The following PLCG2 variants were observed in gnomAD, a reference collection of about 807,000 sequenced individuals.
PLCG2 encodes phospholipase C gamma 2.
PLCG2 carries 69 observed loss-of-function variants against 175.6 expected under a neutral mutation model. The observed-to-expected ratio is 0.39, with a 90% CI of 0.32 to 0.48. PLCG2 has a LOEUF of 0.48. Among genes scored for constraint, PLCG2 ranks in the 20% least tolerant of loss-of-function variants. The pLI, the probability that PLCG2 is intolerant of heterozygous loss-of-function variation, is 0.91. For synonymous variants in PLCG2, 827 were observed against 624.0 expected (o/e 1.33, Z -4.85); for missense variants, 1,798 against 1,650.9 (o/e 1.09, Z -1.54).
chr16:81,945,392 A>G (rs189208641), intron 30 of PLCG2, among the ~76,000 whole-genome samples: 1 of 152,392 alleles, frequency 6.6e-6, no homozygotes, highest in East Asian at 1.9e-4. Context: ...ATCATTTGTG[A>G]TTAAAAGCAA....
intron 13 of PLCG2, 24 bp from the exon 14 acceptor site, chr16:81,900,588 C>T (rs1291875278): frequency 1.3e-6 from 2 of 1,572,986 alleles, no homozygotes; most frequent in African/African-American, 2.7e-5. Context: ...CCCTGCCGAG[C>T]TGCCCACCCT....
chr16:81,869,504 A>T (rs759045625), intron 6 of PLCG2, among the ~76,000 whole-genome samples: 10 of 152,292 alleles, frequency 6.6e-5, no homozygotes, highest in Admixed American at 3.9e-4. Flanking sequence ...ATCAATAAAG[A>T]CCATGTTTAC....
At chr16:81,888,357 C>T (rs1454538118) in intron 9 of PLCG2, among the ~76,000 whole-genome samples, 1 of 151,336 alleles carries the variant, frequency 6.6e-6, no homozygotes, top group Admixed American at 6.7e-5. Context: ...ATTACAGGCA[C>T]CTGCCACCAC....
rs1465589797 is a variant in PLCG2 at position 81,959,324 on chromosome 16, T to A, written c.*1326T>A. 3 of 222,688 alleles carry A rather than the reference T, an allele frequency of 1.3e-5. No homozygotes were observed. The highest frequency in any genetic ancestry group is 6.7e-5 in the African/African-American group (3 of 44,728). The allele number at this position is 222,688 out of a possible 1,614,324, so 13.8% of individuals were successfully genotyped here. ...CCCGAAATGCTGGGCTTAGTATGCA[T>A]GTACTGCTGAAAAGCAGGGCAGAAC... is the stretch of plus-strand genomic sequence containing the variant. On this transcript the variant is annotated 3_prime_UTR_variant, in exon 33 of 33. Transcript: ENST00000564138.
At chr16:81,885,868 C>G (rs1231116653) in intron 9 of PLCG2, among the ~76,000 whole-genome samples, 2 of 152,150 alleles carry the variant, frequency 1.3e-5, no homozygotes, top group Non-Finnish European at 2.9e-5. Flanking sequence ...ATCATCATGC[C>G]TTCCTAGTGC....
rs188389280 is a variant in PLCG2 at position 81,804,233 on chromosome 16, T to G, written c.193+18051T>G. On this transcript the variant is annotated intron_variant, in intron 2 of 32. Coordinates refer to ENST00000564138, the MANE Select transcript of PLCG2 (RefSeq NM_002661.5). ...CACATGTTAGTATCTGTCTTTTTGG[T>G]TATCACCATCCTAGTGGAGGTGAAG... Among the ~76,000 whole-genome samples the G allele has an allele frequency of 4.7e-3, 722 of 152,356 alleles. 4 individuals are homozygous for G. Among genetic ancestry groups the G allele is most frequent in the Non-Finnish European group, 6.2e-3 (422 of 68,036 alleles).
At chr16:81,797,215 G>A (rs1427050800) in intron 2 of PLCG2, among the ~76,000 whole-genome samples, 1 of 151,994 alleles carries the variant, frequency 6.6e-6, no homozygotes, top group Non-Finnish European at 1.5e-5. Flanking sequence ...CAGGTCCAAC[G>A]TCTTAGGGAT....
Position 81,946,245 on chromosome 16 carries a change from T to C in PLCG2, c.3552T>C (p.Cys1184=), listed in dbSNP as rs775950072. ...DIELASLLVF[C]EMRPVLESEE... is the part of the protein sequence containing the mutation. ...AGCTGGCTTCCCTCCTGGTTTTCTG[T>C]GAGATGCGGCCAGTCCTGGTGAGTG... The change falls in exon 31 of 33, where the codon TGT becomes TGC. Residue 1184 remains cysteine (C), a synonymous_variant. Transcript: ENST00000564138. 6 of 1,613,442 alleles carry C rather than the reference T, an allele frequency of 3.7e-6. No homozygotes were observed. Among genetic ancestry groups the C allele is most frequent in the Non-Finnish European group, 5.1e-6 (6 of 1,179,514 alleles).
intron 2 of PLCG2, among the ~76,000 whole-genome samples, chr16:81,805,237 T>C (rs143734787): frequency 0.014 from 2,079 of 152,182 alleles, 40 homozygotes; most frequent in African/African-American, 0.048. Flanking sequence ...CGGTAGCTCA[T>C]GCCTGTAATC....
intron 11 of PLCG2, among the ~76,000 whole-genome samples, chr16:81,892,323 A>G (rs1005583285): frequency 4.6e-5 from 7 of 152,064 alleles, no homozygotes; most frequent in East Asian, 1.9e-4. Context: ...GGCTCTTGGG[A>G]TGGTTACTCT....
At chr16:81,803,582 CTTTCT>C (rs1450635447) in intron 2 of PLCG2, among the ~76,000 whole-genome samples, 3 of 140,990 alleles carry the variant, frequency 2.1e-5, no homozygotes, top group African/African-American at 8.0e-5. Context: ...CTTTCCTTTC[CTTTCT>C]TTTCTTTTCT....
At chr16:81,755,597 C>T (rs964413842) in intron 1 of PLCG2, among the ~76,000 whole-genome samples, 2 of 151,996 alleles carry the variant, frequency 1.3e-5, no homozygotes, top group African/African-American at 4.8e-5. Context: ...GTGATCTTGG[C>T]TCACTGTAAC....
intron 2 of PLCG2, among the ~76,000 whole-genome samples, chr16:81,773,977 C>T (rs7185350): frequency 4.6e-5 from 7 of 151,630 alleles, no homozygotes; most frequent in South Asian, 2.1e-4. Flanking sequence ...GCAGGCACTC[C>T]GCAAATGTTT....
At chr16:81,744,256 C>T (rs1909659292) in intron 1 of PLCG2, among the ~76,000 whole-genome samples, 1 of 150,838 alleles carries the variant, frequency 6.6e-6, no homozygotes, top group Non-Finnish European at 1.5e-5. Flanking sequence ...TCAGCTCCGG[C>T]TCCTGGGTTC....
chr16:81,810,114 C>G (rs1008540784), intron 2 of PLCG2, among the ~76,000 whole-genome samples: 1 of 152,136 alleles, frequency 6.6e-6, no homozygotes, highest in Non-Finnish European at 1.5e-5. Flanking sequence ...GCCTCAGCCT[C>G]CTGAGTAGGT....
intron 2 of PLCG2, among the ~76,000 whole-genome samples, chr16:81,853,726 C>G (rs888911160): frequency 2.6e-5 from 4 of 152,094 alleles, no homozygotes; most frequent in Non-Finnish European, 5.9e-5. Context: ...TTGGTTAAAA[C>G]AGGTCACAGA....
chr16:81,822,842 G>A (rs1487390631), intron 2 of PLCG2, among the ~76,000 whole-genome samples: 1 of 151,246 alleles, frequency 6.6e-6, no homozygotes, highest in Non-Finnish European at 1.5e-5. Context: ...AACAGAGGTT[G>A]GAATGATGTG....
chr16:81,878,862 C>A (rs2143560777), intron 7 of PLCG2, among the ~76,000 whole-genome samples: 1 of 152,210 alleles, frequency 6.6e-6, no homozygotes, highest in East Asian at 1.9e-4. Flanking sequence ...TTCATTTGTT[C>A]TTTTTCATTC....
chr16:81,808,376 A>G (rs1208355860), intron 2 of PLCG2, among the ~76,000 whole-genome samples: 1 of 152,156 alleles, frequency 6.6e-6, no homozygotes, highest in Non-Finnish European at 1.5e-5. Flanking sequence ...CCTTTTAGAG[A>G]GAGAGGGAGG....
Sources: allele counts gnomAD v4.1 joint callset (sites outside exome capture counted in the v4.1 genomes callset), GRCh38; gene constraint gnomAD v4.1.1; transcripts MANE v1.5; gene names NCBI Gene and HGNC (gene_info 2026-07-23, HGNC 2026-07-21).